SLC25A26: variants seen among roughly 807,000 people sequenced by gnomAD.
SLC25A26 encodes mitochondrial S-adenosylmethionine carrier protein.
A neutral mutation model predicts 37.8 loss-of-function variants in SLC25A26; 36 were observed. The ratio of observed to expected loss-of-function variants is 0.95; its 90% CI spans 0.73 to 1.26. The LOEUF (loss-of-function observed/expected upper bound fraction) is 1.26, where lower values mean the gene tolerates loss of function less well. Among genes scored for constraint, SLC25A26 ranks in the 50% most tolerant of loss-of-function variants. SLC25A26 has a pLI of 0.00. For synonymous variants in SLC25A26, 129 were observed against 122.5 expected, an observed-to-expected ratio of 1.05 and a Z score of -0.35; for missense variants, 390 against 331.1, an observed-to-expected ratio of 1.18 and a Z score of -1.38.
intron 9 of SLC25A26, among the ~76,000 whole-genome samples, chr3:66,374,654 G>A (rs1369572027): frequency 2.0e-5 from 3 of 152,224 alleles, no homozygotes; most frequent in African/African-American, 7.2e-5. Context: ...GGGGGCCAAG[G>A]TGGCAGATGG....
exon 1 of SLC25A26, chr3:66,133,795 A>G (rs1482367896): frequency 6.6e-6 from 1 of 152,204 alleles, no homozygotes; most frequent in Non-Finnish European, 1.5e-5. Context: ...GAAAGCAGAG[A>G]GAAGGCGGTT....
At chr3:66,302,524 G>C (rs1329528306) in intron 5 of SLC25A26, among the ~76,000 whole-genome samples, 3 of 152,150 alleles carry the variant, frequency 2.0e-5, no homozygotes, top group Non-Finnish European at 4.4e-5. Flanking sequence ...TTTGGGTCAT[G>C]TAATACTTAT....
At position 66,343,949 on chromosome 3, in the gene SLC25A26, AC is replaced by A. The variant is rs565533673; in HGVS notation, c.454-2414del. ...TTGTGACAATAAAAAACTCTATTTAACTACTGTTATGGAACTTCGACATTCG... is the reference window on the plus strand; with the variant it reads ...TTGTGACAATAAAAAACTCTATTTAATACTGTTATGGAACTTCGACATTCG... On this transcript the variant is annotated intron_variant, in intron 5 of 9. Coordinates refer to ENST00000354883, the MANE Select transcript of SLC25A26 (RefSeq NM_001379210.1). Among the ~76,000 whole-genome samples the A allele has an allele frequency of 2.5e-3, 383 of 152,258 alleles. 2 individuals are homozygous for A. Among genetic ancestry groups the A allele is most frequent in the African/African-American group, 9.0e-3 (376 of 41,550 alleles).
At chr3:66,243,118 T>C in intron 2 of SLC25A26, 85 bp from the exon 3 acceptor site, 1 of 674,790 alleles carries the variant, frequency 1.5e-6, no homozygotes, top group Non-Finnish European at 2.6e-6. Context: ...TAATAATTAT[T>C]GTCATACTTT....
chr3:66,303,336 T>C (rs1016145704), intron 5 of SLC25A26, among the ~76,000 whole-genome samples: 27 of 152,200 alleles, frequency 1.8e-4, no homozygotes, highest in African/African-American at 6.5e-4. Context: ...GAAAGACTTC[T>C]GGGAACAGCT....
At chr3:66,227,945 G>A (rs2071833717) in intron 1 of SLC25A26, among the ~76,000 whole-genome samples, 1 of 152,170 alleles carries the variant, frequency 6.6e-6, no homozygotes, top group South Asian at 2.1e-4. Context: ...TTTCTGGATA[G>A]TGACCTCCTA....
intron 5 of SLC25A26, among the ~76,000 whole-genome samples, chr3:66,312,640 A>G (rs1017971674): frequency 1.3e-5 from 2 of 152,064 alleles, no homozygotes; most frequent in Non-Finnish European, 2.9e-5. Context: ...TAGGCACTAG[A>G]GGGAATCTCC....
At chr3:66,159,439 G>C (rs1316315452) in intron 1 of SLC25A26, among the ~76,000 whole-genome samples, 1 of 152,124 alleles carries the variant, frequency 6.6e-6, no homozygotes, top group Non-Finnish European at 1.5e-5. Context: ...AAATTATGTT[G>C]AGTTTATGGT....
chr3:66,170,793 T>TTTG, intron 1 of SLC25A26, among the ~76,000 whole-genome samples: 2 of 48,124 alleles, frequency 4.2e-5, no homozygotes, highest in African/African-American at 1.8e-4. Context: ...TGATTATTGT[T>TTTG]TTTTTTTTTT....
intron 5 of SLC25A26, among the ~76,000 whole-genome samples, chr3:66,312,533 G>GAAA (rs141858967): frequency 7.2e-6 from 1 of 137,994 alleles, no homozygotes. Flanking sequence ...TGGGTACGAA[G>GAAA]AAAAAAAAGA....
intron 6 of SLC25A26, among the ~76,000 whole-genome samples, chr3:66,350,593 A>G (rs1422388523): frequency 6.6e-6 from 1 of 152,170 alleles, no homozygotes; most frequent in Non-Finnish European, 1.5e-5. Flanking sequence ...GGTTCTCAGG[A>G]ACATATAACT....
chr3:66,173,163 T>G (rs1219236887), intron 1 of SLC25A26, among the ~76,000 whole-genome samples: 2 of 152,198 alleles, frequency 1.3e-5, no homozygotes, highest in Non-Finnish European at 2.9e-5. Context: ...TTTGTCCAGT[T>G]GTAAGAAAAA....
In SLC25A26 at chr3:66,298,824, T is replaced by C. The variant is rs147959266; in HGVS notation, c.453+35445T>C. ...AGGATGACGTTGCTATTTGGAGAAT[T>C]GCTTTCATCTTTGAGATATCTCACA... On this transcript the variant is annotated intron_variant, in intron 5 of 9. Coordinates refer to ENST00000354883, the MANE Select transcript of SLC25A26 (RefSeq NM_001379210.1). Among the ~76,000 whole-genome samples, 335 of 152,354 alleles carry C rather than the reference T, an allele frequency of 2.2e-3. 4 individuals carry two copies. Among genetic ancestry groups the C allele is most frequent in the African/African-American group, 7.8e-3 (325 of 41,586 alleles).
In SLC25A26 at chr3:66,209,090, GTATATATA is replaced by G. The variant is rs1212142217; in HGVS notation, c.-353-11635_-353-11628del. Among the ~76,000 whole-genome samples, 446 of 46,354 alleles carry G rather than the reference GTATATATA, an allele frequency of 9.6e-3. 34 individuals carry two copies. Among genetic ancestry groups the G allele is most frequent in the East Asian group, 0.025 (36 of 1,464 alleles). The allele number at this position is 46,354 out of a possible 152,430, so 30.4% of individuals were successfully genotyped here. A position where few individuals can be genotyped will look rare whatever the true frequency, so the allele number is the denominator to read the frequency against. ...TACACACACACACCCATATAAAGAT[GTATATATA>G]TATATATATATATATACACAAAAAG... On this transcript the variant is annotated intron_variant, in intron 1 of 10. Coordinates refer to the SLC25A26 transcript ENST00000676754.
chr3:66,144,554 GGT>G (rs2070086436), intron 1 of SLC25A26, among the ~76,000 whole-genome samples: 2 of 152,134 alleles, frequency 1.3e-5, no homozygotes, highest in Admixed American at 1.3e-4. Flanking sequence ...AGCTGGTTGT[GGT>G]GTGTGTGGAG....
chr3:66,150,585 G>GAT (rs560809353), intron 1 of SLC25A26, among the ~76,000 whole-genome samples: 905 of 62,180 alleles, frequency 0.015, 53 homozygotes, highest in East Asian at 0.1. Flanking sequence ...TATATATCAT[G>GAT]ATATATATAT....
chr3:66,236,509 T>C, intron 1 of SLC25A26, 35 bp from the exon 2 acceptor site: 1 of 1,424,878 alleles, frequency 7.0e-7, no homozygotes, highest in Non-Finnish European at 9.2e-7. Flanking sequence ...TGTAACCTTT[T>C]TTTTTTCTTT....
In SLC25A26 at chr3:66,310,488, C is replaced by T. The variant is rs572673275; in HGVS notation, c.454-35876C>T. 2.0e-5 allele frequency among the ~76,000 whole-genome samples: 3 copies of T among 152,250 alleles called. No homozygotes were observed. The South Asian group carries it at 6.2e-4, about 32-fold the overall frequency. On this transcript the variant is annotated intron_variant, in intron 5 of 9. Transcript: ENST00000354883. ...TGTTTCTTTTAACTGGGGCATCTAGCCCATTTACATTTAAGGTTAATATTG... is the reference window on the plus strand; with the variant it reads ...TGTTTCTTTTAACTGGGGCATCTAGTCCATTTACATTTAAGGTTAATATTG...
intron 1 of SLC25A26, among the ~76,000 whole-genome samples, chr3:66,149,782 T>G (rs1366602957): frequency 6.6e-6 from 1 of 152,180 alleles, no homozygotes; most frequent in African/African-American, 2.4e-5. Context: ...GGCAATTTGA[T>G]AATGACACCA....
Sources: allele counts gnomAD v4.1 joint callset (sites outside exome capture counted in the v4.1 genomes callset), GRCh38; gene constraint gnomAD v4.1.1; transcripts MANE v1.5; gene names NCBI Gene and HGNC (gene_info 2026-07-23, HGNC 2026-07-21).